Variants in CERT1 observed in about 807,000 individuals in gnomAD.
CERT1 encodes ceramide transfer protein.
CERT1 carries 31 observed loss-of-function variants against 87.9 expected under a neutral mutation model. The ratio of observed to expected loss-of-function variants is 0.35; its 90% CI spans 0.27 to 0.48. The LOEUF (loss-of-function observed/expected upper bound fraction) is 0.48. Ranked by LOEUF, CERT1 falls within the 20% of genes least tolerant of loss-of-function variation. The probability of loss-of-function intolerance (pLI) is 0.99; values close to 1 mark genes in which losing one functional copy is unlikely to be tolerated. For missense variants in CERT1, 487 were observed against 758.0 expected (o/e 0.64, Z 4.20); for synonymous variants, 289 against 250.9 (o/e 1.15, Z -1.44).
At chr5:75,411,345 G>C (rs1468298408) in intron 7 of CERT1, among the ~76,000 whole-genome samples, 1 of 152,064 alleles carries the variant, frequency 6.6e-6, no homozygotes, top group East Asian at 1.9e-4. Flanking sequence ...ACGGAGTCTT[G>C]CTCTGTCACC....
chr5:75,391,282 G>A (rs574471413), intron 11 of CERT1, among the ~76,000 whole-genome samples: 2 of 152,336 alleles, frequency 1.3e-5, no homozygotes, highest in African/African-American at 2.4e-5. Context: ...TATGTTATAT[G>A]TGATAGTGAT....
In CERT1 at chr5:75,511,323, G is replaced by C; in HGVS notation, c.-116C>G. ...TGGCGAAGCGAAGAGTGCCCGCTCCGGTGTGGGGGGGAGCAGGAGGAGGGA... is the reference window on the plus strand; with the variant it reads ...TGGCGAAGCGAAGAGTGCCCGCTCCCGTGTGGGGGGGAGCAGGAGGAGGGA... On this transcript the variant is annotated 5_prime_UTR_variant, in exon 1 of 17. Transcript: ENST00000643780. 6.5e-7 allele frequency: 1 copy of C among 1,547,894 alleles called. No homozygotes were observed. The highest frequency in any genetic ancestry group is 8.7e-7 in the Non-Finnish European group (1 of 1,146,404).
In CERT1 at chr5:75,495,133, T is replaced by C. The variant is rs1326773227; in HGVS notation, c.231+10849A>G. ...ATAATTAATTTATAAGTAATCTTTTTCAAGTGATGAATCCTCATTAGAGGG... is the reference window on the plus strand; with the variant it reads ...ATAATTAATTTATAAGTAATCTTTTCCAAGTGATGAATCCTCATTAGAGGG... On this transcript the variant is annotated intron_variant, in intron 2 of 16. Coordinates refer to ENST00000643780, the MANE Select transcript of CERT1 (RefSeq NM_001379029.1). Among the ~76,000 whole-genome samples the C allele has an allele frequency of 3.9e-5, 6 of 152,370 alleles. No individual in the cohort carries two copies. In the East Asian group the frequency reaches 1.2e-3, roughly 29 times the overall value.
rs117429621 is a variant in CERT1 at position 75,390,235 on chromosome 5, A to T, written c.1189-548T>A. Among the ~76,000 whole-genome samples, 29 of 152,324 alleles carry T rather than the reference A, an allele frequency of 1.9e-4. No individual in the cohort carries two copies. The East Asian group carries it at 3.9e-3, about 20-fold the overall frequency. ...ATATGTATATGTCAAAGATTTCAAT[A>T]CAAAAAAGGTGAAAAACCTTTCTTA... On this transcript the variant is annotated intron_variant, in intron 11 of 16. Coordinates refer to ENST00000643780, the MANE Select transcript of CERT1 (RefSeq NM_001379029.1).
rs76256805 is a variant in CERT1, at chr5:75,428,564, G to C, written c.349-2086C>G. Among the ~76,000 whole-genome samples, 397 of 152,102 alleles carry C rather than the reference G, an allele frequency of 2.6e-3. 14 individuals are homozygous for C. The East Asian group carries it at 0.071, about 27-fold the overall frequency. On this transcript the variant is annotated intron_variant, in intron 3 of 16. Coordinates refer to ENST00000643780, the MANE Select transcript of CERT1 (RefSeq NM_001379029.1). ...GCAGTGGCGGGCGCCTGTAGTCCCA[G>C]CTACTCGGGAGGCTGAGGCAGGAGA...
Position 75,399,363 on chromosome 5 carries a change from A to G in CERT1, c.1135T>C (p.Ser379Pro), listed in dbSNP as rs1319693584. Residue 379 changes from serine to proline, a missense_variant, in exon 11 of 17, where the codon TCT becomes CCT. Coordinates refer to ENST00000643780, the MANE Select transcript of CERT1 (RefSeq NM_001379029.1). The stretch of plus-strand genomic sequence containing the variant: ...GAGGCACTGACTAGATCAATGGAAG[A>G]CATGGAGGAAGAGCGACTATAGGGC... ...QKPYSRSSSM[S>P]SIDLVSASDD... 4 of 1,613,768 alleles carry G rather than the reference A, an allele frequency of 2.5e-6. No individual in the cohort carries two copies. The South Asian group carries it at 3.3e-5, about 13-fold the overall frequency.
intron 3 of CERT1, among the ~76,000 whole-genome samples, chr5:75,435,931 C>T (rs1764077299): frequency 6.6e-6 from 1 of 152,188 alleles, no homozygotes; most frequent in South Asian, 2.1e-4. Context: ...CTCATGTGCA[C>T]ACCAGCAGGG....
chr5:75,406,563 T>C (rs921513802), intron 8 of CERT1, among the ~76,000 whole-genome samples: 1 of 150,370 alleles, frequency 6.7e-6, no homozygotes, highest in African/African-American at 2.5e-5. Context: ...TTTTTTGAGA[T>C]GGAGTCTCAG....
intron 6 of CERT1, among the ~76,000 whole-genome samples, chr5:75,418,378 T>C (rs1269437400): frequency 6.6e-6 from 1 of 152,190 alleles, no homozygotes; most frequent in African/African-American, 2.4e-5. Flanking sequence ...GGTGGGGATA[T>C]GGAGGAACTG....
intron 5 of CERT1, among the ~76,000 whole-genome samples, chr5:75,423,380 A>AG (rs909632797): frequency 6.5e-5 from 8 of 123,032 alleles, no homozygotes; most frequent in Admixed American, 4.3e-4. Flanking sequence ...CTATTTTTAG[A>AG]GGGGAAAAAA....
At chr5:75,473,353 T>A (rs573407525) in intron 2 of CERT1, among the ~76,000 whole-genome samples, 6 of 152,298 alleles carry the variant, frequency 3.9e-5, no homozygotes, top group Middle Eastern at 6.8e-3. Context: ...CCCAAAGTGC[T>A]GGAATTACAG....
chr5:75,475,181 A>C (rs1765903830), intron 2 of CERT1, among the ~76,000 whole-genome samples: 1 of 152,146 alleles, frequency 6.6e-6, no homozygotes, highest in Non-Finnish European at 1.5e-5. Flanking sequence ...GTATCAATGA[A>C]CATACCATAC....
intron 5 of CERT1, 174 bp downstream of exon 5, chr5:75,425,187 T>C (rs1033119200): frequency 8.5e-5 from 48 of 565,470 alleles, no homozygotes; most frequent in Non-Finnish European, 1.4e-4. Context: ...AATGAATTAG[T>C]ATGTGTAACT....
chr5:75,384,814 GAACA>G, intron 13 of CERT1, 102 bp from the exon 14 acceptor site: 1 of 733,230 alleles, frequency 1.4e-6, no homozygotes, highest in East Asian at 2.7e-5. Context: ...ATGGTAAATT[GAACA>G]GGATCCTGCC....
chr5:75,501,138 C>T (rs904640348), intron 2 of CERT1, among the ~76,000 whole-genome samples: 4 of 152,034 alleles, frequency 2.6e-5, no homozygotes, highest in Admixed American at 6.6e-5. Flanking sequence ...TGTACCACCA[C>T]GCCAAGCTGA....
intron 2 of CERT1, among the ~76,000 whole-genome samples, chr5:75,497,978 G>A (rs1454172714): frequency 6.6e-6 from 1 of 152,186 alleles, no homozygotes; most frequent in Non-Finnish European, 1.5e-5. Flanking sequence ...CCAAAATGCT[G>A]ATAATGATAT....
At chr5:75,456,060 A>T (rs1764969615) in intron 3 of CERT1, among the ~76,000 whole-genome samples, 1 of 152,220 alleles carries the variant, frequency 6.6e-6, no homozygotes. Flanking sequence ...ATACTTAAAT[A>T]GTAAAATTAC....
At chr5:75,463,889 G>A (rs1561281737) in intron 2 of CERT1, among the ~76,000 whole-genome samples, 1 of 152,222 alleles carries the variant, frequency 6.6e-6, no homozygotes, top group Non-Finnish European at 1.5e-5. Context: ...GGAAGCAGGT[G>A]GTTGGTTAGG....
chr5:75,440,471 T>C (rs1264550556), intron 3 of CERT1, among the ~76,000 whole-genome samples: 2 of 151,928 alleles, frequency 1.3e-5, no homozygotes, highest in Non-Finnish European at 2.9e-5. Flanking sequence ...CATTCCTGTA[T>C]CATAATTTAA....
Sources: allele counts gnomAD v4.1 joint callset (sites outside exome capture counted in the v4.1 genomes callset), GRCh38; gene constraint gnomAD v4.1.1; transcripts MANE v1.5; gene names NCBI Gene and HGNC (gene_info 2026-07-23, HGNC 2026-07-21).